Variants in STON2 observed in about 807,000 individuals in gnomAD.
STON2 encodes stonin-2.
STON2 carries 29 observed loss-of-function variants against 65.7 expected under a neutral mutation model. That is an observed-to-expected ratio of 0.44 (90% confidence interval 0.33 to 0.60). The LOEUF is 0.60. Ranked by LOEUF, STON2 falls within the 20% of genes least tolerant of loss-of-function variation. The probability of loss-of-function intolerance (pLI) is 0.03; values close to 1 mark genes in which losing one functional copy is unlikely to be tolerated. For missense variants in STON2, 1,054 were observed against 1,118.1 expected, an observed-to-expected ratio of 0.94 and a Z score of 0.82; for synonymous variants, 404 against 414.2, an observed-to-expected ratio of 0.98 and a Z score of 0.30.
chr14:81,383,433 G>A (rs147786659), intron 3 of STON2, among the ~76,000 whole-genome samples: 5 of 152,274 alleles, frequency 3.3e-5, no homozygotes, highest in Non-Finnish European at 7.4e-5. Context: ...TGTCCAAATC[G>A]ACTTGACATC....
Position 81,265,402 on chromosome 14 carries a change from C to T in STON2, c.*3012G>A. 5.2e-6 allele frequency: 5 copies of T among 953,444 alleles called. No individual in the cohort carries two copies. The highest frequency in any genetic ancestry group is 6.2e-6 in the Non-Finnish European group (5 of 801,110). The allele number at this position is 953,444 out of a possible 1,614,324, so 59.1% of individuals were successfully genotyped here. A position where few individuals can be genotyped will look rare whatever the true frequency, so the allele number is the denominator to read the frequency against. ...CAGCATGGTGGCTCACGCCTGTAAT[C>T]CCAGAGCTTTGGGAGACTGAGGCAG... On this transcript the variant is annotated 3_prime_UTR_variant, in exon 8 of 8. Transcript: ENST00000614646.
intron 5 of STON2, among the ~76,000 whole-genome samples, chr14:81,301,340 C>T (rs1001785892): frequency 1.2e-4 from 19 of 152,152 alleles, no homozygotes; most frequent in Admixed American, 5.9e-4. Flanking sequence ...CTGCCAGGTC[C>T]TATGACAAGC....
At position 81,267,803 on chromosome 14, in the gene STON2, G is replaced by C. The variant is rs1199738533; in HGVS notation, c.*611C>G. On this transcript the variant is annotated 3_prime_UTR_variant, in exon 8 of 8. Transcript: ENST00000614646. ...CAAATCCTGTGACTGAAACCTTAGA[G>C]AGATGGAAAAAGTGTTCCAATCTAA... 1.0e-6 allele frequency: 1 copy of C among 985,402 alleles called. No individual in the cohort carries two copies. Among genetic ancestry groups the C allele is most frequent in the Non-Finnish European group, 1.2e-6 (1 of 829,932 alleles). 61.0% of individuals were successfully genotyped at this position (985,402 alleles called of 1,614,324 possible).
chr14:81,336,876 T>G (rs1171885329), intron 4 of STON2, among the ~76,000 whole-genome samples: 6 of 152,062 alleles, frequency 3.9e-5, no homozygotes, highest in African/African-American at 1.4e-4. Flanking sequence ...TAACCTCAGA[T>G]GAGTGATCAG....
At chr14:81,400,071 A>G (rs2140449472) in intron 1 of STON2, among the ~76,000 whole-genome samples, 1 of 152,310 alleles carries the variant, frequency 6.6e-6, no homozygotes, top group Non-Finnish European at 1.5e-5. Context: ...CAACTTAAGT[A>G]CTTTACAAAT....
At chr14:81,399,684 C>A (rs1238477205) in intron 1 of STON2, among the ~76,000 whole-genome samples, 3 of 152,166 alleles carry the variant, frequency 2.0e-5, no homozygotes, top group Non-Finnish European at 1.5e-5. Flanking sequence ...TACCATACTT[C>A]ACTTGATTCA....
intron 6 of STON2, 82 bp downstream of exon 6, chr14:81,276,819 A>T: frequency 6.7e-7 from 1 of 1,487,650 alleles, no homozygotes; most frequent in Non-Finnish European, 9.1e-7. Flanking sequence ...AAAAACAAGC[A>T]CTTCATACAG....
At chr14:81,372,460 C>A (rs1899044725) in intron 3 of STON2, among the ~76,000 whole-genome samples, 1 of 151,212 alleles carries the variant, frequency 6.6e-6, no homozygotes, top group African/African-American at 2.4e-5. Context: ...GAGGCTGACA[C>A]ACAAGAACCG....
chr14:81,371,047 A>C lies in STON2; in HGVS notation c.512T>G (p.Leu171Arg). 1 of 1,613,862 alleles carries C rather than the reference A, an allele frequency of 6.2e-7. No individual in the cohort carries two copies. The highest frequency in any genetic ancestry group is 8.5e-7 in the Non-Finnish European group (1 of 1,180,020). Residue 171 changes from leucine (L) to arginine (R), a missense_variant, in exon 4 of 8, where the codon CTG becomes CGG. Transcript: ENST00000614646. ...SPSFGCSYTD[L>R]QLINAEEQTS... ...CTGCTCCTCAGCATTGATGAGCTGC[A>C]GATCTGTATACGAACATCCAAAGCT...
At chr14:81,298,797 C>T (rs1895863966) in intron 5 of STON2, among the ~76,000 whole-genome samples, 2 of 152,318 alleles carry the variant, frequency 1.3e-5, no homozygotes, top group South Asian at 4.2e-4. Context: ...ATTTAAGAAA[C>T]ACCCATATCC....
At chr14:81,288,881 G>A (rs1895445561) in intron 5 of STON2, among the ~76,000 whole-genome samples, 2 of 151,886 alleles carry the variant, frequency 1.3e-5, no homozygotes, top group African/African-American at 4.9e-5. Flanking sequence ...TGCCAGGGCT[G>A]GGGAGCCAGA....
At chr14:81,394,735 A>G (rs548811396) in intron 3 of STON2, among the ~76,000 whole-genome samples, 2 of 152,330 alleles carry the variant, frequency 1.3e-5, no homozygotes, top group South Asian at 2.1e-4. Context: ...AAGGGGCCAT[A>G]TGCCAAGGAA....
intron 2 of STON2, among the ~76,000 whole-genome samples, chr14:81,417,802 G>A (rs575471946): frequency 1.3e-5 from 2 of 152,298 alleles, no homozygotes; most frequent in South Asian, 2.1e-4. Flanking sequence ...CTGACTCTTG[G>A]AGCATGCCTA....
At position 81,392,253 on chromosome 14, in the gene STON2, T is replaced by G. The variant is rs574292258; in HGVS notation, c.373+3641A>C. Among the ~76,000 whole-genome samples, 24 of 152,182 alleles carry G rather than the reference T, an allele frequency of 1.6e-4. No individual in the cohort carries two copies. The South Asian group carries it at 4.6e-3, about 29-fold the overall frequency. On this transcript the variant is annotated intron_variant, in intron 3 of 7. Coordinates refer to ENST00000614646, the MANE Select transcript of STON2 (RefSeq NM_001394390.1). Reference sequence around the variant, plus strand: ...GAAAAACTCCAACTGGCCTGTGCACTGGGGTGGAGCTGCGGAAGTTTGTGC... The same window carrying G: ...GAAAAACTCCAACTGGCCTGTGCACGGGGGTGGAGCTGCGGAAGTTTGTGC...
chr14:81,393,291 T>G (rs571622191), intron 3 of STON2, among the ~76,000 whole-genome samples: 99 of 152,330 alleles, frequency 6.5e-4, no homozygotes, highest in African/African-American at 2.3e-3. Flanking sequence ...ATCCATGACC[T>G]GAAGGCACGG....
chr14:81,384,839 C>T (rs562124588), intron 3 of STON2, among the ~76,000 whole-genome samples: 42 of 152,252 alleles, frequency 2.8e-4, no homozygotes, highest in Non-Finnish European at 4.9e-4. Context: ...TGTTTAATCA[C>T]CAGAGTTATA....
At chr14:81,421,531 G>A (rs781478208) in intron 2 of STON2, among the ~76,000 whole-genome samples, 3 of 152,208 alleles carry the variant, frequency 2.0e-5, no homozygotes, top group Non-Finnish European at 2.9e-5. Context: ...ATTAGGCATC[G>A]CAAGATGGGG....
intron 4 of STON2, among the ~76,000 whole-genome samples, chr14:81,359,968 G>GT (rs942487739): frequency 6.6e-6 from 1 of 152,222 alleles, no homozygotes; most frequent in African/African-American, 2.4e-5. Flanking sequence ...GTACACACCT[G>GT]TGGTCCCAGC....
At chr14:81,382,843 G>T (rs796582241) in intron 3 of STON2, among the ~76,000 whole-genome samples, 2 of 152,216 alleles carry the variant, frequency 1.3e-5, no homozygotes, top group Admixed American at 6.5e-5. Context: ...TCTCTTGAAA[G>T]AGAAACTAGG....
Sources: allele counts gnomAD v4.1 joint callset (sites outside exome capture counted in the v4.1 genomes callset), GRCh38; gene constraint gnomAD v4.1.1; transcripts MANE v1.5; gene names NCBI Gene and HGNC (gene_info 2026-07-23, HGNC 2026-07-21).